NXPH1: variants seen among roughly 807,000 people sequenced by gnomAD.
NXPH1 encodes the protein neurexophilin-1.
NXPH1 carries 5 observed loss-of-function variants against 23.7 expected under a neutral mutation model. The ratio of observed to expected loss-of-function variants is 0.21; its 90% CI spans 0.11 to 0.44. The LOEUF (loss-of-function observed/expected upper bound fraction) is 0.44, where lower values mean the gene tolerates loss of function less well. Ranked by LOEUF, NXPH1 falls within the 20% of genes least tolerant of loss-of-function variation. NXPH1 has a pLI of 0.99. For synonymous variants in NXPH1, 144 were observed against 122.2 expected, an observed-to-expected ratio of 1.18 and a Z score of -1.18; for missense variants, 324 against 321.6, an observed-to-expected ratio of 1.01 and a Z score of -0.06.
chr7:8,588,710 G>A (rs1332069058), intron 2 of NXPH1, among the ~76,000 whole-genome samples: 1 of 152,102 alleles, frequency 6.6e-6, no homozygotes, highest in Non-Finnish European at 1.5e-5. Flanking sequence ...CTGGTAATTG[G>A]AGTACATTCC....
intron 2 of NXPH1, among the ~76,000 whole-genome samples, chr7:8,487,338 A>G (rs1256161249): frequency 6.6e-6 from 1 of 152,104 alleles, no homozygotes; most frequent in African/African-American, 2.4e-5. Flanking sequence ...GTCTCACGAA[A>G]TCTGATGGTT....
intron 2 of NXPH1, among the ~76,000 whole-genome samples, chr7:8,748,035 C>G (rs1780500562): frequency 6.6e-6 from 1 of 152,126 alleles, no homozygotes. Flanking sequence ...GCTTTATTGT[C>G]AGGATAGATT....
intron 2 of NXPH1, among the ~76,000 whole-genome samples, chr7:8,659,897 C>G (rs1029706990): frequency 3.3e-5 from 5 of 152,140 alleles, no homozygotes; most frequent in African/African-American, 4.8e-5. Flanking sequence ...AACTTATCAT[C>G]CAGTGCTAGG....
chr7:8,696,018 G>A (rs749912294), intron 2 of NXPH1, among the ~76,000 whole-genome samples: 2 of 152,144 alleles, frequency 1.3e-5, no homozygotes, highest in Non-Finnish European at 2.9e-5. Context: ...ATAGCATAAA[G>A]TTTCAAGTTT....
chr7:8,669,931 C>T (rs1467706995), intron 2 of NXPH1, among the ~76,000 whole-genome samples: 1 of 152,148 alleles, frequency 6.6e-6, no homozygotes, highest in Non-Finnish European at 1.5e-5. Context: ...ATTGATGTTT[C>T]TGCAGGAAGC....
chr7:8,451,982 T>A (rs1816514392), intron 2 of NXPH1, among the ~76,000 whole-genome samples: 1 of 152,200 alleles, frequency 6.6e-6, no homozygotes, highest in Non-Finnish European at 1.5e-5. Context: ...AAAAATCTGG[T>A]AAAATTTTTG....
chr7:8,514,720 C>T (rs920562025), intron 2 of NXPH1, among the ~76,000 whole-genome samples: 1 of 152,262 alleles, frequency 6.6e-6, no homozygotes, highest in Non-Finnish European at 1.5e-5. Context: ...CAAACAGACA[C>T]TGTGCAAGAC....
chr7:8,683,965 C>T (rs1432010885), intron 2 of NXPH1, among the ~76,000 whole-genome samples: 1 of 152,044 alleles, frequency 6.6e-6, no homozygotes, highest in Admixed American at 6.6e-5. Context: ...ATAGAGATGG[C>T]ATCTGTGTTG....
intron 2 of NXPH1, among the ~76,000 whole-genome samples, chr7:8,616,260 T>G (rs1186585067): frequency 6.9e-6 from 1 of 144,574 alleles, no homozygotes; most frequent in Non-Finnish European, 1.5e-5. Flanking sequence ...CATTTTGAAG[T>G]CTTTTGATCT....
At chr7:8,529,239 T>C (rs1431866397) in intron 2 of NXPH1, among the ~76,000 whole-genome samples, 1 of 152,260 alleles carries the variant, frequency 6.6e-6, no homozygotes, top group East Asian at 1.9e-4. Context: ...CAGTAATATC[T>C]ATTTTCAGGT....
intron 2 of NXPH1, among the ~76,000 whole-genome samples, chr7:8,662,626 T>C (rs1364093939): frequency 3.9e-5 from 6 of 152,102 alleles, no homozygotes; most frequent in Non-Finnish European, 7.4e-5. Context: ...GTAGTTGTTA[T>C]TGCATTACCT....
intron 2 of NXPH1, among the ~76,000 whole-genome samples, chr7:8,555,075 G>A (rs1220661276): frequency 6.6e-6 from 1 of 151,554 alleles, no homozygotes; most frequent in South Asian, 2.1e-4. Flanking sequence ...AAAAAGTGTA[G>A]GTCCTCAATA....
chr7:8,729,080 C>G (rs1477863828), intron 2 of NXPH1, among the ~76,000 whole-genome samples: 310 of 151,470 alleles, frequency 2.0e-3, no homozygotes, highest in Non-Finnish European at 3.5e-3. Flanking sequence ...GGGTGTATGT[C>G]TCGAGGAATT....
intron 2 of NXPH1, among the ~76,000 whole-genome samples, chr7:8,471,808 A>G (rs527677499): frequency 4.6e-5 from 7 of 152,090 alleles, no homozygotes; most frequent in Admixed American, 2.6e-4. Flanking sequence ...CCTTTGTTCA[A>G]CTATACAGGA....
chr7:8,606,276 TA>T (rs957978056), intron 2 of NXPH1, among the ~76,000 whole-genome samples: 43 of 151,248 alleles, frequency 2.8e-4, no homozygotes, highest in African/African-American at 8.5e-4. Flanking sequence ...CACCTAAGAA[TA>T]AAAAAAAATA....
intron 2 of NXPH1, among the ~76,000 whole-genome samples, chr7:8,646,661 TATA>T (rs1359496757): frequency 6.6e-6 from 1 of 152,142 alleles, no homozygotes; most frequent in Non-Finnish European, 1.5e-5. Flanking sequence ...ATGCCAATTT[TATA>T]ATATGTTTTT....
chr7:8,552,119 A>C (rs60930060), intron 2 of NXPH1, among the ~76,000 whole-genome samples: 51,537 of 144,202 alleles, frequency 0.36, 10,992 homozygotes, highest in East Asian at 0.52. Context: ...AAAACCAAAA[A>C]AAAAAAAAAA....
intron 2 of NXPH1, among the ~76,000 whole-genome samples, chr7:8,601,914 A>C (rs1819371232): frequency 6.6e-6 from 1 of 152,246 alleles, no homozygotes; most frequent in African/African-American, 2.4e-5. Flanking sequence ...AAAAGTCCAG[A>C]CCGAAGACCA....
intron 2 of NXPH1, among the ~76,000 whole-genome samples, chr7:8,562,711 A>G (rs1435407073): frequency 6.6e-6 from 1 of 151,696 alleles, no homozygotes; most frequent in African/African-American, 2.4e-5. Flanking sequence ...AACATATCCT[A>G]ATGGATAATG....
Sources: gnomAD v4.1 joint callset for allele counts (sites outside exome capture counted in the v4.1 genomes callset) on GRCh38, gnomAD v4.1.1 for gene constraint, MANE v1.5 for transcripts, NCBI Gene and HGNC (gene_info 2026-07-23, HGNC 2026-07-21) for gene names.